KLB: variants seen among roughly 807,000 people sequenced by gnomAD.
KLB encodes beta-klotho.
In KLB, 44 loss-of-function variants were observed where a neutral mutation model predicts 88.4. The ratio of observed to expected loss-of-function variants is 0.50; its 90% confidence interval spans 0.39 to 0.64. The LOEUF (loss-of-function observed/expected upper bound fraction) is 0.64. Among genes scored for constraint, KLB ranks in the 30% least tolerant of loss-of-function variants. The pLI, the probability that KLB is intolerant of heterozygous loss-of-function variation, is 0.00. For synonymous variants in KLB, 548 were observed against 513.4 expected (o/e 1.07, Z -0.91); for missense variants, 1,137 against 1,304.8 (o/e 0.87, Z 1.98).
rs1051691264 is a variant in KLB, at chr4:39,446,188, G to C, written c.1606-144G>C. 2.9e-6 allele frequency: 2 copies of C among 686,362 alleles called. No homozygotes were observed. Among genetic ancestry groups the C allele is most frequent in the Non-Finnish European group, 4.8e-6 (2 of 417,486 alleles). 42.5% of individuals were successfully genotyped at this position (686,362 alleles called of 1,614,324 possible). On this transcript the variant is annotated intron_variant, in intron 3 of 4. Coordinates refer to ENST00000257408, the MANE Select transcript of KLB (RefSeq NM_175737.4). The surrounding 1 kb of genome is among the most constrained non-coding windows in gnomAD (Gnocchi z 6.4). ...GGGTGTGGCTCCTTCTCTGTTTTCT[G>C]GTCTCCTTGGGAGATTTCAAGGGCT...
At chr4:39,407,899 C>T (rs944008162) in intron 1 of KLB, 125 bp downstream of exon 1, 15 of 576,570 alleles carry the variant, frequency 2.6e-5, no homozygotes, top group Middle Eastern at 3.1e-4. Flanking sequence ...TTCAAAAGAT[C>T]TATCCTCAAA....
chr4:39,424,305 A>G (rs1238661650), intron 1 of KLB, among the ~76,000 whole-genome samples: 1 of 151,858 alleles, frequency 6.6e-6, no homozygotes, highest in Non-Finnish European at 1.5e-5. Context: ...TCCTGGGCTC[A>G]AGTGATCCAC....
rs145246986 is a variant in KLB at position 39,410,350 on chromosome 4, T to C, written c.825+2576T>C. Among the ~76,000 whole-genome samples, 338 of 152,356 alleles carry C rather than the reference T, an allele frequency of 2.2e-3. 4 individuals are homozygous for C. Among genetic ancestry groups the C allele is most frequent in the African/African-American group, 6.2e-3 (256 of 41,586 alleles). ...TCTGCCTTTAACACAAAATTAGCAC[T>C]TTATGATCGTGAGATAAATTTTATT... On this transcript the variant is annotated intron_variant, in intron 1 of 4. Coordinates refer to ENST00000257408, the MANE Select transcript of KLB (RefSeq NM_175737.4).
rs756667448 is a variant in KLB, at chr4:39,446,334, C to T, written c.1608C>T (p.Pro536=). The T allele has an allele frequency of 1.5e-5, 24 of 1,612,000 alleles. No homozygotes were observed. The Admixed American group carries it at 3.0e-4, about 20-fold the overall frequency. ...CTAAATGAGCTTGTTTTTCACAGCC[C>T]GAGTCTGTGGCTTCGTCCCCACAGT... is the stretch of plus-strand genomic sequence containing the variant. The part of the protein sequence containing the change: ...SWGVTESVLK[P]ESVASSPQFS... The change falls in exon 4 of 5, where the codon CCC becomes CCT. Residue 536 remains proline, a splice_region_variant and synonymous_variant. Coordinates refer to ENST00000257408, the MANE Select transcript of KLB (RefSeq NM_175737.4). The surrounding 1 kb of genome is among the most constrained non-coding windows in gnomAD (Gnocchi z 6.4).
chr4:39,445,844 G>A (rs996089036), intron 3 of KLB, among the ~76,000 whole-genome samples: 2 of 151,948 alleles, frequency 1.3e-5, no homozygotes, highest in Non-Finnish European at 2.9e-5. Context: ...ATACAAGTTA[G>A]AAATTTGCAT....
chr4:39,437,599 A>G, intron 2 of KLB, 128 bp from the exon 3 acceptor site: 1 of 1,064,926 alleles, frequency 9.4e-7, no homozygotes, highest in East Asian at 2.4e-5. Flanking sequence ...TATTTGATAC[A>G]GCAGACCTGA....
chr4:39,430,409 G>GAAAAAAA (rs4008368), intron 1 of KLB, among the ~76,000 whole-genome samples: 7,345 of 133,986 alleles, frequency 0.055, 428 homozygotes, highest in Non-Finnish European at 0.063. Flanking sequence ...TTTCTAATTA[G>GAAAAAAA]AAAAAAAAAA....
intron 1 of KLB, among the ~76,000 whole-genome samples, chr4:39,411,017 C>A (rs1297985715): frequency 6.6e-6 from 1 of 152,136 alleles, no homozygotes. Context: ...CATAATCACA[C>A]CTACTAATGG....
intron 3 of KLB, among the ~76,000 whole-genome samples, chr4:39,439,043 C>T (rs1257756153): frequency 6.6e-6 from 1 of 150,712 alleles, no homozygotes; most frequent in Non-Finnish European, 1.5e-5. Flanking sequence ...TGCTCTGTCA[C>T]CCAGACTGGA....
intron 1 of KLB, among the ~76,000 whole-genome samples, chr4:39,433,586 G>A (rs1689079646): frequency 6.6e-6 from 1 of 152,168 alleles, no homozygotes; most frequent in East Asian, 1.9e-4. Context: ...TGGGCCAGGC[G>A]CGATAGCTCA....
intron 4 of KLB, 91 bp from the exon 5 acceptor site, chr4:39,448,210 A>AGTG: frequency 1.0e-6 from 1 of 981,116 alleles, no homozygotes; most frequent in Non-Finnish European, 1.5e-6. Context: ...TTATGGGCAT[A>AGTG]ATTTTAGCTT....
chr4:39,443,417 C>A (rs371122640), intron 3 of KLB, among the ~76,000 whole-genome samples: 1 of 151,702 alleles, frequency 6.6e-6, no homozygotes, highest in South Asian at 2.1e-4. Context: ...GTGATATGTG[C>A]CATATGGTAA....
At chr4:39,410,521 A>G (rs1485481978) in intron 1 of KLB, among the ~76,000 whole-genome samples, 4 of 152,258 alleles carry the variant, frequency 2.6e-5, no homozygotes, top group Non-Finnish European at 1.5e-5. Flanking sequence ...TGCATGACCC[A>G]GTGACGTATA....
At chr4:39,443,592 CAAAAAAAAA>C (rs770812561) in intron 3 of KLB, among the ~76,000 whole-genome samples, 1 of 65,862 alleles carries the variant, frequency 1.5e-5, no homozygotes, top group South Asian at 5.6e-4. Context: ...CCTGTCTCTA[CAAAAAAAAA>C]AAAAAAAAAA....
intron 2 of KLB, among the ~76,000 whole-genome samples, chr4:39,435,468 C>A (rs546807085): frequency 6.7e-6 from 1 of 150,116 alleles, no homozygotes; most frequent in African/African-American, 2.5e-5. Flanking sequence ...TCTTGTTTCC[C>A]AGGCTGGAAT....
intron 2 of KLB, 74 bp downstream of exon 2, chr4:39,434,794 G>C: frequency 8.9e-7 from 1 of 1,120,892 alleles, no homozygotes; most frequent in Non-Finnish European, 1.3e-6. Flanking sequence ...CTTTGAATAT[G>C]TAACTATTAT....
chr4:39,429,559 C>T (rs1334389648), intron 1 of KLB, among the ~76,000 whole-genome samples: 2 of 152,148 alleles, frequency 1.3e-5, no homozygotes, highest in African/African-American at 4.8e-5. Flanking sequence ...GCTGACTTTC[C>T]CTTTAAGCTA....
chr4:39,419,080 C>T (rs1743023763), intron 1 of KLB, among the ~76,000 whole-genome samples: 1 of 151,462 alleles, frequency 6.6e-6, no homozygotes, highest in Admixed American at 6.6e-5. Flanking sequence ...TTTCTATAAC[C>T]AGAATACCAC....
chr4:39,435,122 T>G (rs995298000), intron 2 of KLB, among the ~76,000 whole-genome samples: 1 of 149,732 alleles, frequency 6.7e-6, no homozygotes, highest in African/African-American at 2.5e-5. Context: ...TTTTGTATTG[T>G]CCAATATTTT....
Sources: allele counts gnomAD v4.1 joint callset (sites outside exome capture counted in the v4.1 genomes callset), GRCh38; gene constraint gnomAD v4.1.1; non-coding constraint Gnocchi (gnomAD v3.1); transcripts MANE v1.5; gene names NCBI Gene and HGNC (gene_info 2026-07-23, HGNC 2026-07-21).